Variants in PPP1R14C observed in about 807,000 individuals in gnomAD.
PPP1R14C encodes the protein protein phosphatase 1 regulatory subunit 14C.
A neutral mutation model predicts 20.4 loss-of-function variants in PPP1R14C; 16 were observed. The ratio of observed to expected loss-of-function variants is 0.78; its 90% CI spans 0.53 to 1.19. PPP1R14C has a LOEUF of 1.19. Ranked by LOEUF, PPP1R14C falls within the 50% of genes most tolerant of loss-of-function variation. The pLI is 0.00. For synonymous variants in PPP1R14C, 91 were observed against 91.0 expected (o/e 1.00, Z 0.00); for missense variants, 211 against 220.1 (o/e 0.96, Z 0.26).
chr6:150,216,218 G>A (rs1778090429), intron 2 of PPP1R14C, among the ~76,000 whole-genome samples: 1 of 152,228 alleles, frequency 6.6e-6, no homozygotes, highest in Middle Eastern at 3.4e-3. Flanking sequence ...TCAAGGGGCT[G>A]GGCATGGTAG....
chr6:150,230,876 A>G (rs1778286430), intron 3 of PPP1R14C, among the ~76,000 whole-genome samples: 1 of 152,240 alleles, frequency 6.6e-6, no homozygotes, highest in Admixed American at 6.5e-5. Flanking sequence ...CAACGGGCCC[A>G]TCTTTTTAAA....
intron 3 of PPP1R14C, among the ~76,000 whole-genome samples, chr6:150,238,582 C>T (rs546061070): frequency 4.6e-5 from 7 of 152,390 alleles, no homozygotes; most frequent in South Asian, 4.1e-4. Context: ...GCAGGGCACC[C>T]GTTCACCCCC....
In PPP1R14C at chr6:150,195,936, A is replaced by G. The variant is rs1366391178; in HGVS notation, c.307-18808A>G. ...TGATTGGCCTGAATGCCCCTTGCCCATCTTCTGCTGTGTCCAAGGACTGAA... is the reference window on the plus strand; with the variant it reads ...TGATTGGCCTGAATGCCCCTTGCCCGTCTTCTGCTGTGTCCAAGGACTGAA... On this transcript the variant is annotated intron_variant, in intron 1 of 3. Coordinates refer to ENST00000361131, the MANE Select transcript of PPP1R14C (RefSeq NM_030949.3). 8 of 985,270 alleles carry G rather than the reference A, an allele frequency of 8.1e-6. No individual in the cohort carries two copies. In the East Asian group the frequency reaches 9.1e-4, roughly 112 times the overall value. The allele number at this position is 985,270 out of a possible 1,614,324, so 61.0% of individuals were successfully genotyped here. A position where few individuals can be genotyped will look rare whatever the true frequency, so the allele number is the denominator to read the frequency against.
intron 1 of PPP1R14C, among the ~76,000 whole-genome samples, chr6:150,207,096 C>G (rs1777962258): frequency 6.6e-6 from 1 of 152,090 alleles, no homozygotes. Flanking sequence ...AGCTCCAGAC[C>G]TCATGATCTG....
At chr6:150,171,628 G>A (rs1024260394) in intron 1 of PPP1R14C, among the ~76,000 whole-genome samples, 3 of 152,140 alleles carry the variant, frequency 2.0e-5, no homozygotes, top group Admixed American at 6.5e-5. Context: ...CTGGAATTTC[G>A]TCTCTTTCTC....
Position 150,163,264 on chromosome 6 carries a change from G to A in PPP1R14C, c.306+19766G>A, listed in dbSNP as rs550861148. 2.5e-4 allele frequency among the ~76,000 whole-genome samples: 38 copies of A among 152,134 alleles called. No homozygotes were observed. The South Asian group carries it at 6.9e-3, about 27-fold the overall frequency. ...AAATTAGCCGGGCATGGTGGCGGGC[G>A]CCTGTAGTCCCAGCTACTCGGGAGG... On this transcript the variant is annotated intron_variant, in intron 1 of 3. Transcript: ENST00000361131.
rs566492823 is a variant in PPP1R14C at position 150,234,617 on chromosome 6, G to C, written c.424-14129G>C. Among the ~76,000 whole-genome samples, 12 of 152,056 alleles carry C rather than the reference G, an allele frequency of 7.9e-5. No individual in the cohort carries two copies. The South Asian group carries it at 2.5e-3, about 32-fold the overall frequency. The stretch of plus-strand genomic sequence containing the variant: ...TAATCCCAGCACTTTGAGAGGCCAA[G>C]GCAGGCAGATCACTTTAGGTCGGGA... On this transcript the variant is annotated intron_variant, in intron 3 of 3. Transcript: ENST00000361131.
intron 1 of PPP1R14C, among the ~76,000 whole-genome samples, chr6:150,208,833 A>T (rs114935677): frequency 6.6e-6 from 1 of 152,176 alleles, no homozygotes; most frequent in African/African-American, 2.4e-5. Context: ...AGCCCGGCAC[A>T]GCGTGGTTAT....
chr6:150,173,068 A>C (rs1188149701), intron 1 of PPP1R14C, among the ~76,000 whole-genome samples: 3 of 152,180 alleles, frequency 2.0e-5, no homozygotes, highest in Non-Finnish European at 4.4e-5. Flanking sequence ...AGATTTGCAA[A>C]GAAAGCACAG....
At chr6:150,218,273 G>A (rs1006500201) in intron 3 of PPP1R14C, among the ~76,000 whole-genome samples, 2 of 151,996 alleles carry the variant, frequency 1.3e-5, no homozygotes, top group African/African-American at 4.8e-5. Context: ...TGTGGTGGCC[G>A]GTGCCTGTAG....
At chr6:150,246,679 C>A (rs537139399) in intron 3 of PPP1R14C, among the ~76,000 whole-genome samples, 1 of 152,248 alleles carries the variant, frequency 6.6e-6, no homozygotes, top group Non-Finnish European at 1.5e-5. Context: ...ATAATCCAAG[C>A]TACAGACAAA....
chr6:150,146,659 C>G (rs1777183539), intron 1 of PPP1R14C, among the ~76,000 whole-genome samples: 1 of 152,200 alleles, frequency 6.6e-6, no homozygotes, highest in Non-Finnish European at 1.5e-5. Flanking sequence ...GACCATGATG[C>G]CTCTGCACAC....
rs76705660 is a variant in PPP1R14C, at chr6:150,189,516, G to C, written c.307-25228G>C. Among the ~76,000 whole-genome samples the C allele has an allele frequency of 1.9e-4, 28 of 150,786 alleles. No individual in the cohort carries two copies. The Middle Eastern group carries it at 0.021, about 113-fold the overall frequency. ...TCTTGATTGGATAAGGAAGACACCT[G>C]GCTATCCTTGATTGCATTTGGAAAA... On this transcript the variant is annotated intron_variant, in intron 1 of 3. Transcript: ENST00000361131.
chr6:150,189,370 G>A (rs953995497), intron 1 of PPP1R14C, among the ~76,000 whole-genome samples: 2 of 152,048 alleles, frequency 1.3e-5, no homozygotes, highest in South Asian at 2.1e-4. Context: ...TTGACACAGC[G>A]CCACCCCAGA....
chr6:150,235,858 CAG>C (rs770322611), intron 3 of PPP1R14C, among the ~76,000 whole-genome samples: 3 of 152,178 alleles, frequency 2.0e-5, no homozygotes, highest in Non-Finnish European at 4.4e-5. Context: ...TCGTCGTACT[CAG>C]GGGAGAATTT....
intron 3 of PPP1R14C, among the ~76,000 whole-genome samples, chr6:150,233,657 A>G (rs1404924616): frequency 6.6e-6 from 1 of 152,230 alleles, no homozygotes; most frequent in African/African-American, 2.4e-5. Flanking sequence ...CATGGTTCCA[A>G]AATAATCAGT....
chr6:150,178,881 A>G (rs1562262623), intron 1 of PPP1R14C, among the ~76,000 whole-genome samples: 1 of 152,232 alleles, frequency 6.6e-6, no homozygotes, highest in South Asian at 2.1e-4. Context: ...GGATCTGTGT[A>G]GCTCTTGGAT....
intron 3 of PPP1R14C, among the ~76,000 whole-genome samples, chr6:150,219,022 A>G (rs1472125813): frequency 6.6e-6 from 1 of 151,658 alleles, no homozygotes; most frequent in Non-Finnish European, 1.5e-5. Flanking sequence ...GAGAAAGATG[A>G]TCACTCTCTC....
At chr6:150,180,225 A>G (rs1395977399) in intron 1 of PPP1R14C, among the ~76,000 whole-genome samples, 1 of 152,210 alleles carries the variant, frequency 6.6e-6, no homozygotes, top group African/African-American at 2.4e-5. Flanking sequence ...ACAAGAAAGA[A>G]TTAACTGAGA....
Sources: allele counts gnomAD v4.1 joint callset (sites outside exome capture counted in the v4.1 genomes callset), GRCh38; gene constraint gnomAD v4.1.1; transcripts MANE v1.5; gene names NCBI Gene and HGNC (gene_info 2026-07-23, HGNC 2026-07-21).